Variants in TAOK3 observed in about 807,000 individuals in gnomAD.
TAOK3 encodes TAO kinase 3.
A neutral mutation model predicts 120.4 loss-of-function variants in TAOK3; 40 were observed. The ratio of observed to expected loss-of-function variants is 0.33; its 90% CI spans 0.26 to 0.43. The LOEUF is 0.43. TAOK3 is among the 20% of genes least tolerant of loss of function. The probability of loss-of-function intolerance (pLI) is 1.00; values close to 1 mark genes in which losing one functional copy is unlikely to be tolerated. For missense variants in TAOK3, 821 were observed against 1,112.1 expected (o/e 0.74, Z 3.72); for synonymous variants, 355 against 387.5 (o/e 0.92, Z 0.99).
intron 16 of TAOK3, 113 bp downstream of exon 16, chr12:118,177,088 G>T: frequency 8.5e-7 from 1 of 1,180,510 alleles, no homozygotes. Flanking sequence ...GTATTCTAAT[G>T]TAAAGTTTGA....
chr12:118,365,421 TGGGCGG>T (rs1038306220), intron 1 of TAOK3, among the ~76,000 whole-genome samples: 4 of 90,776 alleles, frequency 4.4e-5, no homozygotes, highest in South Asian at 4.1e-4. Context: ...TTTGTAGAGA[TGGGCGG>T]GGGCGGGGGC....
At position 118,200,198 on chromosome 12, in the gene TAOK3, C is replaced by A. The variant is rs1304910743; in HGVS notation, c.988-941G>T. 6 of 152,170 alleles carry A rather than the reference C, an allele frequency of 3.9e-5. No homozygotes were observed. The East Asian group carries it at 1.2e-3, about 29-fold the overall frequency. 9.4% of individuals were successfully genotyped at this position (152,170 alleles called of 1,614,324 possible). A position where few individuals can be genotyped will look rare whatever the true frequency, so the allele number is the denominator to read the frequency against. On this transcript the variant is annotated intron_variant, in intron 12 of 20. Transcript: ENST00000392533. ...CAAGAAATTTTATAGTTCAATGCAA[C>A]TTTCCGAGCTTCATTTTTAAAATTA...
rs1592975527 is a variant in TAOK3, at chr12:118,159,861, C to T, written c.2352+285G>A. The T allele has an allele frequency of 1.9e-5, 8 of 428,146 alleles. No individual in the cohort carries two copies. In the East Asian group the frequency reaches 3.6e-4, roughly 19 times the overall value. 26.5% of individuals were successfully genotyped at this position (428,146 alleles called of 1,614,324 possible). ...GTCAGTAAAATCTTTCATAAATGAA[C>T]ACATGGTATCATATGTGGTATCTAT... On this transcript the variant is annotated intron_variant, in intron 19 of 20. Transcript: ENST00000392533.
At chr12:118,225,778 G>GGTGT (rs1440102488) in intron 9 of TAOK3, among the ~76,000 whole-genome samples, 2 of 152,144 alleles carry the variant, frequency 1.3e-5, no homozygotes, top group Non-Finnish European at 2.9e-5. Context: ...ATATATTTAA[G>GGTGT]GTGTACAATG....
At chr12:118,166,642 A>C (rs779442173) in intron 17 of TAOK3, among the ~76,000 whole-genome samples, 4 of 152,098 alleles carry the variant, frequency 2.6e-5, no homozygotes, top group Non-Finnish European at 5.9e-5. Flanking sequence ...GCTAGACATG[A>C]TACAATGGTT....
intron 2 of TAOK3, among the ~76,000 whole-genome samples, chr12:118,258,537 C>A (rs2041089230): frequency 6.6e-6 from 1 of 152,014 alleles, no homozygotes; most frequent in Non-Finnish European, 1.5e-5. Context: ...CATGGTAAAA[C>A]CCCATCTCTA....
At chr12:118,336,843 A>C (rs1171607483) in intron 1 of TAOK3, among the ~76,000 whole-genome samples, 1 of 152,188 alleles carries the variant, frequency 6.6e-6, no homozygotes, top group East Asian at 1.9e-4. Context: ...AAGCCGACGC[A>C]GGAGGATCAC....
chr12:118,203,526 G>A lies in TAOK3; in HGVS notation c.820-2063C>T, dbSNP rs573868163. Among the ~76,000 whole-genome samples the A allele has an allele frequency of 8.5e-5, 13 of 152,080 alleles. No homozygotes were observed. In the East Asian group the frequency reaches 2.5e-3, roughly 30 times the overall value. ...TCAAGACCAGCCTGGCCAACATGGT[G>A]AAACCCTTTCTCTACTAAAAATACA... On this transcript the variant is annotated intron_variant, in intron 11 of 20. Transcript: ENST00000392533.
chr12:118,335,841 A>G (rs1196647707), intron 1 of TAOK3, among the ~76,000 whole-genome samples: 2 of 152,170 alleles, frequency 1.3e-5, no homozygotes, highest in East Asian at 1.9e-4. Context: ...AAATAAAACA[A>G]AAACTATCAC....
intron 1 of TAOK3, among the ~76,000 whole-genome samples, chr12:118,292,326 A>G (rs952892007): frequency 1.3e-5 from 2 of 152,178 alleles, no homozygotes; most frequent in Non-Finnish European, 2.9e-5. Context: ...TAAATGAACT[A>G]ATCTTGGAAT....
At position 118,345,696 on chromosome 12, in the gene TAOK3, A is replaced by C. The variant is rs567649379; in HGVS notation, c.-194+26952T>G. On this transcript the variant is annotated intron_variant, in intron 1 of 20. Transcript: ENST00000392533. ...TGCTGCTCACCCATCCTGCTTGAAA[A>C]AAAAAAATGAACTCATGCTCCTGGA... Among the ~76,000 whole-genome samples the C allele has an allele frequency of 3.0e-4, 45 of 152,334 alleles. 1 individual carries two copies. In the South Asian group the frequency reaches 7.2e-3, roughly 25 times the overall value.
At chr12:118,169,316 A>ACC (rs796532171) in intron 17 of TAOK3, among the ~76,000 whole-genome samples, 122 of 64,874 alleles carry the variant, frequency 1.9e-3, no homozygotes, top group Non-Finnish European at 2.5e-3. Flanking sequence ...GCCCACCCCC[A>ACC]CCCCCCCCCC....
At chr12:118,193,049 G>GTTTTTTTTTT (rs11380296) in intron 13 of TAOK3, among the ~76,000 whole-genome samples, 38 of 107,376 alleles carry the variant, frequency 3.5e-4, no homozygotes, top group East Asian at 1.1e-3. Flanking sequence ...CCACGTTGTT[G>GTTTTTTTTTT]TTTTTTTTTT....
At chr12:118,304,102 G>A (rs1258736506) in intron 1 of TAOK3, among the ~76,000 whole-genome samples, 3 of 152,220 alleles carry the variant, frequency 2.0e-5, no homozygotes, top group Non-Finnish European at 2.9e-5. Context: ...ACTTGGTTAT[G>A]AGGTGAATGA....
At chr12:118,159,237 G>A (rs545935200) in intron 19 of TAOK3, among the ~76,000 whole-genome samples, 1 of 151,914 alleles carries the variant, frequency 6.6e-6, no homozygotes, top group Non-Finnish European at 1.5e-5. Flanking sequence ...CCTCTAGGAA[G>A]ATTTCCCTAG....
rs190491109 is a variant in TAOK3 at position 118,264,529 on chromosome 12, A to G, written c.-89+2126T>C. On this transcript the variant is annotated intron_variant, in intron 2 of 20. Coordinates refer to ENST00000392533, the MANE Select transcript of TAOK3 (RefSeq NM_016281.4). ...TGCAAACTAATTTAAAGAGATAGAA[A>G]TCATATCAGTGGTTACCTGGGGGAA... Among the ~76,000 whole-genome samples, 215 of 152,312 alleles carry G rather than the reference A, an allele frequency of 1.4e-3. 1 individual carries two copies. Among genetic ancestry groups the G allele is most frequent in the African/African-American group, 5.0e-3 (206 of 41,574 alleles).
intron 1 of TAOK3, among the ~76,000 whole-genome samples, chr12:118,335,122 T>G (rs1303773595): frequency 2.6e-5 from 4 of 151,484 alleles, no homozygotes; most frequent in African/African-American, 9.7e-5. Context: ...AGGTGGAGGT[T>G]TCAGTGAGCC....
At chr12:118,347,770 C>T (rs1566154654) in intron 1 of TAOK3, among the ~76,000 whole-genome samples, 1 of 152,152 alleles carries the variant, frequency 6.6e-6, no homozygotes, top group Non-Finnish European at 1.5e-5. Context: ...TATGCCAAGC[C>T]GTTAATGCCC....
At chr12:118,229,702 C>T (rs1220215418) in intron 9 of TAOK3, among the ~76,000 whole-genome samples, 4 of 151,964 alleles carry the variant, frequency 2.6e-5, no homozygotes, top group South Asian at 2.1e-4. Flanking sequence ...AAGGCTGAGG[C>T]GGGTGGATCA....
Sources: allele counts gnomAD v4.1 joint callset (sites outside exome capture counted in the v4.1 genomes callset), GRCh38; gene constraint gnomAD v4.1.1; transcripts MANE v1.5; gene names NCBI Gene and HGNC (gene_info 2026-07-23, HGNC 2026-07-21).